KIRREL3: variants seen among roughly 807,000 people sequenced by gnomAD.
The protein encoded by KIRREL3 is kirre like nephrin family adhesion molecule 3.
KIRREL3 carries 36 observed loss-of-function variants against 89.7 expected under a neutral mutation model. That is an observed-to-expected ratio of 0.40 (90% CI 0.31 to 0.53). KIRREL3 has a LOEUF of 0.53. Among genes scored for constraint, KIRREL3 ranks in the 20% least tolerant of loss-of-function variants. The pLI, the probability that KIRREL3 is intolerant of heterozygous loss-of-function variation, is 0.49. For missense variants in KIRREL3, 864 were observed against 1,056.6 expected, an observed-to-expected ratio of 0.82 and a Z score of 2.53; for synonymous variants, 445 against 441.4, an observed-to-expected ratio of 1.01 and a Z score of -0.10.
In KIRREL3 at chr11:126,463,472, G is replaced by T. The variant is rs562876545; in HGVS notation, c.592-165C>A. ...GCCCATGTCTACGCAGAGCTCGGGGGTTACCCCCTGGCTCCCTGGCCTGGC... is the reference window on the plus strand; with the variant it reads ...GCCCATGTCTACGCAGAGCTCGGGGTTTACCCCCTGGCTCCCTGGCCTGGC... On this transcript the variant is annotated intron_variant, in intron 5 of 16. Coordinates refer to ENST00000525144, the MANE Select transcript of KIRREL3 (RefSeq NM_032531.4). This position sits in a 1 kb window ranked among gnomAD's most constrained non-coding sequence, Gnocchi z 5.9. Among the ~76,000 whole-genome samples, 1 of 152,328 alleles carries T rather than the reference G, an allele frequency of 6.6e-6. No individual in the cohort carries two copies. The highest frequency in any genetic ancestry group is 2.1e-4 in the South Asian group (1 of 4,832).
chr11:126,711,105 C>T (rs1483138012), intron 1 of KIRREL3, among the ~76,000 whole-genome samples: 6 of 152,186 alleles, frequency 3.9e-5, no homozygotes, highest in Admixed American at 1.3e-4. Flanking sequence ...ATTCAGGTTA[C>T]CAACAGTGAC....
intron 9 of KIRREL3, among the ~76,000 whole-genome samples, chr11:126,445,724 A>G (rs1317191579): frequency 6.6e-6 from 1 of 152,196 alleles, no homozygotes; most frequent in African/African-American, 2.4e-5. Flanking sequence ...AGCGTCTGCT[A>G]CATAACAGGC....
At position 126,708,157 on chromosome 11, in the gene KIRREL3, C is replaced by T. The variant is rs1947612986; in HGVS notation, c.56-145245G>A. On this transcript the variant is annotated intron_variant, in intron 1 of 16. Coordinates refer to ENST00000525144, the MANE Select transcript of KIRREL3 (RefSeq NM_032531.4). The surrounding 1 kb of genome is among the most constrained non-coding windows in gnomAD (Gnocchi z 5.7). Reference sequence around the variant, plus strand: ...TGACTTTTCCCGTGTGAAAGGACTCCCTGGTCAGGCGGTATTCATGCCGCC... The same window carrying T: ...TGACTTTTCCCGTGTGAAAGGACTCTCTGGTCAGGCGGTATTCATGCCGCC... Among the ~76,000 whole-genome samples, 1 of 152,162 alleles carries T rather than the reference C, an allele frequency of 6.6e-6. No homozygotes were observed. The highest frequency in any genetic ancestry group is 2.1e-4 in the South Asian group (1 of 4,828).
At position 126,462,459 on chromosome 11, in the gene KIRREL3, G is replaced by C. The variant is rs990053608; in HGVS notation, c.742+698C>G. Among the ~76,000 whole-genome samples, 1 of 152,150 alleles carries C rather than the reference G, an allele frequency of 6.6e-6. No individual in the cohort carries two copies. The highest frequency in any genetic ancestry group is 1.5e-5 in the Non-Finnish European group (1 of 68,030). On this transcript the variant is annotated intron_variant, in intron 6 of 16. Transcript: ENST00000525144. This position sits in a 1 kb window ranked among gnomAD's most constrained non-coding sequence, Gnocchi z 4.8. ...GCGGGCGGAACACTTGAGGTCAGGA[G>C]TTTGAGACCAGCTTGGCCAATATGG... is the stretch of plus-strand genomic sequence containing the variant.
At chr11:126,451,919 C>T (rs1956190697) in intron 7 of KIRREL3, among the ~76,000 whole-genome samples, 1 of 152,134 alleles carries the variant, frequency 6.6e-6, no homozygotes, top group South Asian at 2.1e-4. Flanking sequence ...CCTCCAGAAG[C>T]GTCACCCCAC....
chr11:126,425,334 G>A (rs781265396), intron 16 of KIRREL3, among the ~76,000 whole-genome samples: 16 of 152,186 alleles, frequency 1.1e-4, no homozygotes, highest in Non-Finnish European at 1.8e-4. Context: ...GGCAATGCAG[G>A]GTCATTTGAA....
intron 1 of KIRREL3, among the ~76,000 whole-genome samples, chr11:126,852,200 C>T (rs909285080): frequency 3.3e-5 from 5 of 151,876 alleles, no homozygotes; most frequent in African/African-American, 4.8e-5. Context: ...ACCACAGGTG[C>T]GTGCCACCAC....
rs771841585 is a variant in KIRREL3 at position 126,900,036 on chromosome 11, G to C, written c.55+100419C>G. Among the ~76,000 whole-genome samples the C allele has an allele frequency of 6.6e-6, 1 of 152,208 alleles. No homozygotes were observed. Among genetic ancestry groups the C allele is most frequent in the Non-Finnish European group, 1.5e-5 (1 of 68,046 alleles). ...AAATAGTCATATTAATTGCATGGCA[G>C]TGGTTGTTTTGTAAAAGGAATAGCT... On this transcript the variant is annotated intron_variant, in intron 1 of 16. Transcript: ENST00000525144. The surrounding 1 kb of genome is among the most constrained non-coding windows in gnomAD (Gnocchi z 4.4).
rs1270412456 is a variant in KIRREL3, at chr11:126,463,114, T to C, written c.742+43A>G. 7 of 1,579,354 alleles carry C rather than the reference T, an allele frequency of 4.4e-6. No individual in the cohort carries two copies. The highest frequency in any genetic ancestry group is 6.1e-6 in the Non-Finnish European group (7 of 1,155,986). On this transcript the variant is annotated intron_variant, in intron 6 of 16. Transcript: ENST00000525144. This position sits in a 1 kb window ranked among gnomAD's most constrained non-coding sequence, Gnocchi z 5.9. ...GTCAGGGTTGCTGGGTGTTTCACCC[T>C]GGGCCTGGCAGGGCTGGGTTGGGGG... is the stretch of plus-strand genomic sequence containing the variant.
At chr11:126,680,415 T>C (rs910149334) in intron 1 of KIRREL3, among the ~76,000 whole-genome samples, 84 of 151,596 alleles carry the variant, frequency 5.5e-4, no homozygotes, top group African/African-American at 1.7e-3. Context: ...TATATATATA[T>C]ACACATAGCC....
At chr11:126,758,908 T>C (rs1156551510) in intron 1 of KIRREL3, among the ~76,000 whole-genome samples, 1 of 152,174 alleles carries the variant, frequency 6.6e-6, no homozygotes, top group Non-Finnish European at 1.5e-5. Flanking sequence ...TGGAATTAGA[T>C]GTTAGAGCAC....
intron 4 of KIRREL3, among the ~76,000 whole-genome samples, chr11:126,509,681 C>G (rs532556780): frequency 6.6e-6 from 1 of 152,348 alleles, no homozygotes; most frequent in South Asian, 2.1e-4. Flanking sequence ...CCTGCCACCA[C>G]AGAGGCACCA....
Position 126,677,490 on chromosome 11 carries a change from C to T in KIRREL3, c.56-114578G>A, listed in dbSNP as rs982270716. ...CACCTCTTTGGAAAGCCAGCCTTAT[C>T]AACCCCATTTTAGTTGAGAGTGCTG... On this transcript the variant is annotated intron_variant, in intron 1 of 16. Coordinates refer to ENST00000525144, the MANE Select transcript of KIRREL3 (RefSeq NM_032531.4). The surrounding 1 kb of genome is among the most constrained non-coding windows in gnomAD (Gnocchi z 5.1). 2.6e-5 allele frequency among the ~76,000 whole-genome samples: 4 copies of T among 152,174 alleles called. No individual in the cohort carries two copies. The highest frequency in any genetic ancestry group is 2.0e-4 in the Admixed American group (3 of 15,282).
At chr11:126,518,990 G>A (rs1463610276) in intron 4 of KIRREL3, among the ~76,000 whole-genome samples, 2 of 152,278 alleles carry the variant, frequency 1.3e-5, no homozygotes, top group Non-Finnish European at 2.9e-5. Flanking sequence ...CTGAAAGGCT[G>A]ATGGACAAGA....
intron 1 of KIRREL3, among the ~76,000 whole-genome samples, chr11:126,775,369 C>T (rs1364437013): frequency 6.6e-6 from 1 of 152,202 alleles, no homozygotes; most frequent in Non-Finnish European, 1.5e-5. Context: ...AGGATGGACA[C>T]TTCCAATAAA....
chr11:126,990,171 A>C lies in KIRREL3; in HGVS notation c.55+10284T>G, dbSNP rs114919764. ...CTGGGGAGGACTCACCTTCACATAC[A>C]GGAGAGAAACATCATCCCTGTGGCA... is the stretch of plus-strand genomic sequence containing the variant. On this transcript the variant is annotated intron_variant, in intron 1 of 16. Transcript: ENST00000525144. The surrounding 1 kb of genome is among the most constrained non-coding windows in gnomAD (Gnocchi z 6.3). 6.6e-6 allele frequency among the ~76,000 whole-genome samples: 1 copy of C among 152,218 alleles called. No individual in the cohort carries two copies. Among genetic ancestry groups the C allele is most frequent in the African/African-American group, 2.4e-5 (1 of 41,554 alleles).
rs571122549 is a variant in KIRREL3, at chr11:126,448,605, G to A, written c.997+404C>T. Among the ~76,000 whole-genome samples the A allele has an allele frequency of 4.6e-5, 7 of 152,338 alleles. No individual in the cohort carries two copies. The South Asian group carries it at 6.2e-4, about 14-fold the overall frequency. Reference sequence around the variant, plus strand: ...GTTAGATCATGAGAGTGGAGCCCTCGTGATGAGATTAGTGCCCTTGGAATA... The same window carrying A: ...GTTAGATCATGAGAGTGGAGCCCTCATGATGAGATTAGTGCCCTTGGAATA... On this transcript the variant is annotated intron_variant, in intron 8 of 16. Transcript: ENST00000525144.
intron 4 of KIRREL3, among the ~76,000 whole-genome samples, chr11:126,479,423 C>T (rs1055757595): frequency 6.6e-5 from 10 of 152,202 alleles, no homozygotes; most frequent in African/African-American, 2.4e-4. Context: ...GATGGGGAGG[C>T]CCTTGCCACT....
chr11:126,767,479 C>T (rs981002644), intron 1 of KIRREL3, among the ~76,000 whole-genome samples: 12 of 152,208 alleles, frequency 7.9e-5, no homozygotes, highest in East Asian at 5.8e-4. Flanking sequence ...CAGGGAACAG[C>T]GGAAAGAGCC....
Sources: allele counts gnomAD v4.1 joint callset (sites outside exome capture counted in the v4.1 genomes callset), GRCh38; gene constraint gnomAD v4.1.1; non-coding constraint Gnocchi (gnomAD v3.1); transcripts MANE v1.5; gene names NCBI Gene and HGNC (gene_info 2026-07-23, HGNC 2026-07-21).